LDB2: variants seen among roughly 807,000 people sequenced by gnomAD.
The protein encoded by LDB2 is LIM domain binding 2, also known as LIM domain-binding protein 2.
LDB2 carries 12 observed loss-of-function variants against 44.3 expected under a neutral mutation model. The observed-to-expected ratio is 0.27, with a 90% CI of 0.17 to 0.44. LDB2 has a LOEUF of 0.44. Ranked by LOEUF, LDB2 falls within the 20% of genes least tolerant of loss-of-function variation. The probability of loss-of-function intolerance (pLI) is 1.00; values close to 1 mark genes in which losing one functional copy is unlikely to be tolerated. For missense variants in LDB2, 344 were observed against 473.5 expected (o/e 0.73, Z 2.54); for synonymous variants, 164 against 174.8 (o/e 0.94, Z 0.49).
intron 1 of LDB2, among the ~76,000 whole-genome samples, chr4:16,829,617 T>C (rs1186501350): frequency 6.6e-6 from 1 of 152,202 alleles, no homozygotes; most frequent in Non-Finnish European, 1.5e-5. Flanking sequence ...AGATTTCACA[T>C]CTATGAAATT....
Position 16,706,136 on chromosome 4 carries a change from T to C in LDB2, c.235+53022A>G, listed in dbSNP as rs1166808821. ...TCCTTTATTTACTCAGCAGGCCTTT[T>C]GATGGCATTTCGTGCTAAGCCCCAT... is the stretch of plus-strand genomic sequence containing the variant. On this transcript the variant is annotated intron_variant, in intron 2 of 7. Transcript: ENST00000304523. 2.0e-5 allele frequency among the ~76,000 whole-genome samples: 3 copies of C among 152,204 alleles called. No homozygotes were observed. In the East Asian group the frequency reaches 5.8e-4, roughly 29 times the overall value.
At chr4:16,639,864 G>A in intron 2 of LDB2, among the ~76,000 whole-genome samples, 1 of 152,234 alleles carries the variant, frequency 6.6e-6, no homozygotes, top group Non-Finnish European at 1.5e-5. Context: ...AGGAGACCCA[G>A]AGGCAATGGG....
chr4:16,842,443 T>C (rs1303069983), intron 1 of LDB2, among the ~76,000 whole-genome samples: 3 of 152,150 alleles, frequency 2.0e-5, no homozygotes, highest in Admixed American at 2.0e-4. Context: ...AAAAAATCCA[T>C]GCTCTAAACA....
chr4:16,742,306 G>C (rs995043538), intron 2 of LDB2, among the ~76,000 whole-genome samples: 5 of 152,048 alleles, frequency 3.3e-5, no homozygotes, highest in Non-Finnish European at 7.4e-5. Flanking sequence ...TCCTGACCTT[G>C]TGATCCGCCC....
intron 2 of LDB2, among the ~76,000 whole-genome samples, chr4:16,751,453 C>A (rs1158698919): frequency 6.6e-6 from 1 of 152,110 alleles, no homozygotes; most frequent in Admixed American, 6.6e-5. Context: ...ACTGTTATGG[C>A]CAATTTGCAA....
chr4:16,607,610 A>G (rs1247412929), intron 2 of LDB2, among the ~76,000 whole-genome samples: 1 of 151,508 alleles, frequency 6.6e-6, no homozygotes, highest in East Asian at 2.0e-4. Context: ...TGAAGTGCTT[A>G]GCACAATGCC....
chr4:16,554,599 G>T (rs1225548574), intron 5 of LDB2, among the ~76,000 whole-genome samples: 1 of 152,180 alleles, frequency 6.6e-6, no homozygotes, highest in Non-Finnish European at 1.5e-5. Context: ...GCACTGAAAA[G>T]AAATGAGTGA....
At chr4:16,841,330 A>T (rs958790228) in intron 1 of LDB2, among the ~76,000 whole-genome samples, 2 of 152,244 alleles carry the variant, frequency 1.3e-5, no homozygotes, top group Non-Finnish European at 2.9e-5. Flanking sequence ...ATCCCAGAAC[A>T]ATCAATATTT....
chr4:16,784,193 A>G (rs935621922), intron 1 of LDB2, among the ~76,000 whole-genome samples: 7 of 151,912 alleles, frequency 4.6e-5, no homozygotes, highest in Non-Finnish European at 1.0e-4. Flanking sequence ...CACATAGGAA[A>G]CAAATTCTCC....
intron 1 of LDB2, among the ~76,000 whole-genome samples, chr4:16,782,827 T>G (rs901976065): frequency 1.3e-5 from 2 of 152,108 alleles, no homozygotes; most frequent in Non-Finnish European, 2.9e-5. Flanking sequence ...TCTTGAACCT[T>G]GTTATCTAGA....
At chr4:16,779,674 C>T (rs1772732290) in intron 1 of LDB2, among the ~76,000 whole-genome samples, 1 of 152,162 alleles carries the variant, frequency 6.6e-6, no homozygotes, top group African/African-American at 2.4e-5. Context: ...TAAACCAGCC[C>T]TAATGCTGAG....
At chr4:16,566,691 A>G (rs1024306489) in intron 5 of LDB2, among the ~76,000 whole-genome samples, 16 of 152,126 alleles carry the variant, frequency 1.1e-4, no homozygotes, top group African/African-American at 3.9e-4. Context: ...AAAAACAAAA[A>G]TATTCAATGG....
intron 5 of LDB2, among the ~76,000 whole-genome samples, chr4:16,561,380 C>T (rs1470391522): frequency 1.3e-5 from 2 of 152,092 alleles, no homozygotes; most frequent in Non-Finnish European, 2.9e-5. Context: ...TCTCAGGATA[C>T]AAAATCAATG....
chr4:16,700,707 AG>A (rs1286192290), intron 2 of LDB2, among the ~76,000 whole-genome samples: 8 of 152,180 alleles, frequency 5.3e-5, no homozygotes, highest in African/African-American at 1.9e-4. Context: ...ACAAAGTGGG[AG>A]GACTTGAGGT....
intron 1 of LDB2, among the ~76,000 whole-genome samples, chr4:16,776,928 G>T (rs1772053822): frequency 6.6e-6 from 1 of 152,166 alleles, no homozygotes. Context: ...GTGCCTTCTA[G>T]GGTGTTCAGC....
At chr4:16,592,505 T>TATATATATATATAC (rs757702164) in intron 3 of LDB2, among the ~76,000 whole-genome samples, 11 of 108,048 alleles carry the variant, frequency 1.0e-4, no homozygotes, top group East Asian at 2.7e-4. Context: ...TATATATATA[T>TATATATATATATAC]ACACACACAC....
At chr4:16,758,180 C>G (rs1346647364) in intron 2 of LDB2, among the ~76,000 whole-genome samples, 1 of 152,128 alleles carries the variant, frequency 6.6e-6, no homozygotes, top group Non-Finnish European at 1.5e-5. Flanking sequence ...AAAGCCTCCC[C>G]CAATTTTTTG....
intron 2 of LDB2, among the ~76,000 whole-genome samples, chr4:16,674,823 A>G (rs908979114): frequency 4.6e-5 from 7 of 152,148 alleles, no homozygotes; most frequent in African/African-American, 1.7e-4. Flanking sequence ...ACAGACACAC[A>G]CACACACATC....
rs555386980 is a variant in LDB2, at chr4:16,726,040, G to A, written c.235+33118C>T. 8.1e-4 allele frequency among the ~76,000 whole-genome samples: 121 copies of A among 150,122 alleles called. 4 individuals are homozygous for A. The South Asian group carries it at 0.021, about 26-fold the overall frequency. ...GCATGTAACCACTGAATTGTTTAAC[G>A]TTTTCTTTAAATATACATTTCATAT... On this transcript the variant is annotated intron_variant, in intron 2 of 7. Transcript: ENST00000304523.
Sources: allele counts gnomAD v4.1 joint callset (sites outside exome capture counted in the v4.1 genomes callset), GRCh38; gene constraint gnomAD v4.1.1; transcripts MANE v1.5; gene names NCBI Gene and HGNC (gene_info 2026-07-23, HGNC 2026-07-21).